Variants in RGS21 observed in about 807,000 individuals in gnomAD.
The protein encoded by RGS21 is regulator of G-protein signalling 21.
RGS21 carries 19 observed loss-of-function variants against 18.7 expected under a neutral mutation model. The ratio of observed to expected loss-of-function variants is 1.01; its 90% confidence interval spans 0.71 to 1.49. The LOEUF is 1.49. Among genes scored for constraint, RGS21 ranks in the 40% most tolerant of loss-of-function variants. The pLI is 0.00. For missense variants in RGS21, 194 were observed against 176.8 expected (o/e 1.10, Z -0.55); for synonymous variants, 56 against 57.8 (o/e 0.97, Z 0.14).
rs77812707 is a variant in RGS21 at position 192,351,424 on chromosome 1, T to C, written c.89-623T>C. On this transcript the variant is annotated intron_variant, in intron 3 of 4. Transcript: ENST00000417209. ...TTTAACACTTTAGCATCAGACTTTG[T>C]TTCTGCACCAACTTATAGCAACAAA... Among the ~76,000 whole-genome samples the C allele has an allele frequency of 1.8e-3, 275 of 152,188 alleles. 1 individual carries two copies. Among genetic ancestry groups the C allele is most frequent in the South Asian group, 6.0e-3 (29 of 4,834 alleles).
chr1:192,317,577 A>G (rs1658438689), intron 1 of RGS21, among the ~76,000 whole-genome samples: 1 of 152,016 alleles, frequency 6.6e-6, no homozygotes, highest in South Asian at 2.1e-4. Context: ...AATGAATTAT[A>G]TAAATAAAGA....
chr1:192,346,134 G>A (rs1054457335), intron 2 of RGS21, among the ~76,000 whole-genome samples: 1 of 152,006 alleles, frequency 6.6e-6, no homozygotes, highest in Non-Finnish European at 1.5e-5. Flanking sequence ...TGTGAGTAAT[G>A]GAAAATAGTA....
chr1:192,350,273 A>C (rs1659021292), intron 3 of RGS21, among the ~76,000 whole-genome samples: 1 of 152,176 alleles, frequency 6.6e-6, no homozygotes, highest in African/African-American at 2.4e-5. Flanking sequence ...AAATCTGTTA[A>C]ATCTATTTTA....
At chr1:192,323,867 C>T (rs1199572718) in intron 1 of RGS21, among the ~76,000 whole-genome samples, 1 of 151,946 alleles carries the variant, frequency 6.6e-6, no homozygotes, top group African/African-American at 2.4e-5. Flanking sequence ...ATACACAGCC[C>T]AGAGATTATA....
At chr1:192,327,753 G>A (rs1374059718) in intron 1 of RGS21, among the ~76,000 whole-genome samples, 1 of 152,150 alleles carries the variant, frequency 6.6e-6, no homozygotes, top group African/African-American at 2.4e-5. Flanking sequence ...GATTACAGGT[G>A]TGAGCCACCA....
chr1:192,363,841 T>G (rs1659219841), intron 4 of RGS21, among the ~76,000 whole-genome samples: 1 of 152,130 alleles, frequency 6.6e-6, no homozygotes, highest in Non-Finnish European at 1.5e-5. Context: ...ATTTGCTTAT[T>G]TTTTCTGCCC....
intron 2 of RGS21, among the ~76,000 whole-genome samples, chr1:192,344,663 T>C (rs991687835): frequency 1.3e-5 from 2 of 152,106 alleles, no homozygotes; most frequent in Non-Finnish European, 2.9e-5. Context: ...CAAACAAGCA[T>C]TACTCCTTAA....
intron 4 of RGS21, among the ~76,000 whole-genome samples, chr1:192,365,614 A>G (rs2102240485): frequency 6.6e-6 from 1 of 152,242 alleles, no homozygotes; most frequent in South Asian, 2.1e-4. Context: ...TTAGAAAAGA[A>G]AAGGTAGGTG....
At chr1:192,332,852 T>C (rs145783225) in intron 1 of RGS21, among the ~76,000 whole-genome samples, 4 of 152,066 alleles carry the variant, frequency 2.6e-5, no homozygotes, top group Non-Finnish European at 5.9e-5. Flanking sequence ...AGTTCAAAGC[T>C]GCAGTCAGTG....
intron 1 of RGS21, among the ~76,000 whole-genome samples, chr1:192,322,082 G>C (rs1319839072): frequency 1.3e-5 from 2 of 152,098 alleles, no homozygotes; most frequent in Non-Finnish European, 2.9e-5. Context: ...GCCCCTTGCA[G>C]GGGACTGCAG....
intron 2 of RGS21, 122 bp from the exon 3 acceptor site, chr1:192,347,191 A>G (rs1658962769): frequency 1.6e-6 from 1 of 639,276 alleles, no homozygotes; most frequent in South Asian, 2.3e-5. Flanking sequence ...TAATTTTTTG[A>G]CATTTGGCTG....
chr1:192,354,557 A>C (rs1328297958), intron 4 of RGS21, among the ~76,000 whole-genome samples: 1 of 151,748 alleles, frequency 6.6e-6, no homozygotes, highest in Non-Finnish European at 1.5e-5. Context: ...AGATATACTC[A>C]GTAGGCAGAC....
At chr1:192,365,104 C>G (rs1189809594) in intron 4 of RGS21, among the ~76,000 whole-genome samples, 2 of 151,336 alleles carry the variant, frequency 1.3e-5, no homozygotes, top group East Asian at 3.9e-4. Context: ...CCATTGCACT[C>G]CAGCCTGGGC....
intron 1 of RGS21, among the ~76,000 whole-genome samples, chr1:192,325,333 T>C (rs574219985): frequency 6.6e-6 from 1 of 152,250 alleles, no homozygotes; most frequent in South Asian, 2.1e-4. Context: ...TGGAGTTTTC[T>C]ATGGTATATA....
intron 1 of RGS21, among the ~76,000 whole-genome samples, chr1:192,331,420 G>A (rs1319395782): frequency 6.6e-6 from 1 of 151,886 alleles, no homozygotes; most frequent in Admixed American, 6.6e-5. Context: ...GGTGGCAGGC[G>A]CCTGTAGTCC....
chr1:192,332,702 A>G (rs1488644712), intron 1 of RGS21, among the ~76,000 whole-genome samples: 3 of 152,218 alleles, frequency 2.0e-5, no homozygotes, highest in Non-Finnish European at 4.4e-5. Flanking sequence ...TGCAAGCTGC[A>G]TATCTAATAA....
At chr1:192,360,342 C>A (rs745737610) in intron 4 of RGS21, among the ~76,000 whole-genome samples, 12 of 152,130 alleles carry the variant, frequency 7.9e-5, no homozygotes, top group Non-Finnish European at 1.6e-4. Context: ...TTTCTGTCAT[C>A]TCTTTCTTTA....
At chr1:192,338,320 T>C (rs1658802810) in intron 1 of RGS21, among the ~76,000 whole-genome samples, 1 of 152,160 alleles carries the variant, frequency 6.6e-6, no homozygotes, top group African/African-American at 2.4e-5. Flanking sequence ...TCCCATTTGT[T>C]TATGAAAAGA....
rs184035935 is a variant in RGS21, at chr1:192,358,121, C to A, written c.255+5908C>A. 3.6e-3 allele frequency among the ~76,000 whole-genome samples: 549 copies of A among 152,100 alleles called. 6 individuals are homozygous for A. Among genetic ancestry groups the A allele is most frequent in the African/African-American group, 0.012 (495 of 41,562 alleles). The stretch of plus-strand genomic sequence containing the variant: ...TAGCCATCCGTACACGTTATGATTT[C>A]ATATGTGTCATCTCCTTTATCACCA... On this transcript the variant is annotated intron_variant, in intron 4 of 4. Transcript: ENST00000417209.
Sources: allele counts gnomAD v4.1 joint callset (sites outside exome capture counted in the v4.1 genomes callset), GRCh38; gene constraint gnomAD v4.1.1; transcripts MANE v1.5; gene names NCBI Gene and HGNC (gene_info 2026-07-23, HGNC 2026-07-21).